MEGF10: variants seen among roughly 807,000 people sequenced by gnomAD.
MEGF10 encodes multiple epidermal growth factor-like domains protein 10.
A neutral mutation model predicts 147.5 loss-of-function variants in MEGF10; 86 were observed. The observed-to-expected ratio is 0.58, with a 90% CI of 0.49 to 0.70. The LOEUF (loss-of-function observed/expected upper bound fraction) is 0.70. Among genes scored for constraint, MEGF10 ranks in the 30% least tolerant of loss-of-function variants. The pLI, the probability that MEGF10 is intolerant of heterozygous loss-of-function variation, is 0.00. For missense variants in MEGF10, 1,329 were observed against 1,487.3 expected (o/e 0.89, Z 1.75); for synonymous variants, 478 against 525.5 (o/e 0.91, Z 1.24).
intron 10 of MEGF10, 118 bp from the exon 11 acceptor site, chr5:127,419,002 T>C: frequency 2.4e-6 from 3 of 1,230,836 alleles, no homozygotes; most frequent in Non-Finnish European, 3.4e-6. Flanking sequence ...AAAAATACAG[T>C]GTGTTAAAAT....
chr5:127,441,130 C>A (rs949091759), intron 18 of MEGF10, among the ~76,000 whole-genome samples: 2 of 152,194 alleles, frequency 1.3e-5, no homozygotes, highest in Non-Finnish European at 2.9e-5. Context: ...TTCTTTTGGG[C>A]TCTCCCTTCC....
intron 1 of MEGF10, among the ~76,000 whole-genome samples, chr5:127,311,521 T>TG (rs1760286196): frequency 6.6e-6 from 1 of 152,222 alleles, no homozygotes; most frequent in South Asian, 2.1e-4. Context: ...ACCCAGCATG[T>TG]GTTCAGATGT....
intron 1 of MEGF10, among the ~76,000 whole-genome samples, chr5:127,318,547 C>T (rs537008626): frequency 8.2e-4 from 125 of 152,064 alleles, no homozygotes; most frequent in Non-Finnish European, 7.1e-4. Context: ...GATGAAGTAG[C>T]CAGATGATAT....
At chr5:127,267,876 G>A in the MEGF10 span, among the ~76,000 whole-genome samples, 1 of 151,964 alleles carries the variant, frequency 6.6e-6, no homozygotes, top group Non-Finnish European at 1.5e-5. Context: ...ACCAGCTCCT[G>A]GATTCATTGA....
intron 2 of MEGF10, among the ~76,000 whole-genome samples, chr5:127,331,711 G>T (rs1358037967): frequency 2.6e-5 from 4 of 152,168 alleles, no homozygotes; most frequent in Non-Finnish European, 5.9e-5. Context: ...CTAATGTCTT[G>T]TCTCTGATTT....
At chr5:127,443,600 C>T (rs1438980492) in intron 19 of MEGF10, among the ~76,000 whole-genome samples, 1 of 152,124 alleles carries the variant, frequency 6.6e-6, no homozygotes, top group Admixed American at 6.5e-5. Context: ...CTTCTACCAC[C>T]CCTTAAGCCC....
chr5:127,398,956 C>T (rs1764027724), intron 7 of MEGF10, among the ~76,000 whole-genome samples, 160 bp downstream of exon 7: 1 of 152,148 alleles, frequency 6.6e-6, no homozygotes, highest in Non-Finnish European at 1.5e-5. Flanking sequence ...ATCTGAAACT[C>T]TTCAGTTCTG....
rs1011515330 is a variant in MEGF10, at chr5:127,457,713, G to C, written c.*395G>C. On this transcript the variant is annotated 3_prime_UTR_variant, in exon 25 of 25. Transcript: ENST00000503335. ...GCATCATACAGCTCTACCTAGGATT[G>C]TACAGTTTACCATAAAATTTACTTC... The C allele has an allele frequency of 2.4e-5, 4 of 165,088 alleles. No homozygotes were observed. The highest frequency in any genetic ancestry group is 5.3e-5 in the Non-Finnish European group (4 of 75,864). The allele number at this position is 165,088 out of a possible 1,614,324, so 10.2% of individuals were successfully genotyped here. A position where few individuals can be genotyped will look rare whatever the true frequency, so the allele number is the denominator to read the frequency against.
At chr5:127,251,138 C>A in the MEGF10 span, among the ~76,000 whole-genome samples, 6 of 151,932 alleles carry the variant, frequency 3.9e-5, no homozygotes, top group Non-Finnish European at 8.8e-5. Flanking sequence ...TAGCAAGTAA[C>A]CTGGAAAACT....
intron 4 of MEGF10, among the ~76,000 whole-genome samples, chr5:127,345,940 A>G (rs1457060294): frequency 6.6e-5 from 10 of 152,172 alleles, no homozygotes; most frequent in Admixed American, 6.5e-4. Context: ...AAGACAGAAT[A>G]TACAGTGTTT....
At chr5:127,422,523 G>A (rs1026600149) in intron 12 of MEGF10, 147 bp from the exon 13 acceptor site, 72 of 615,032 alleles carry the variant, frequency 1.2e-4, no homozygotes, top group Non-Finnish European at 1.8e-4. Flanking sequence ...CAAAAAAAAA[G>A]AAAAAAATAA....
At chr5:127,295,483 G>A (rs1267843765) in intron 1 of MEGF10, among the ~76,000 whole-genome samples, 1 of 152,100 alleles carries the variant, frequency 6.6e-6, no homozygotes, top group East Asian at 1.9e-4. Context: ...TTACTATTAG[G>A]CTTTTAATTT....
At chr5:127,345,713 A>G (rs946832513) in intron 4 of MEGF10, among the ~76,000 whole-genome samples, 18 of 152,084 alleles carry the variant, frequency 1.2e-4, no homozygotes, top group Admixed American at 1.3e-4. Flanking sequence ...TTTTATTTCA[A>G]TTGTTTTTTA....
At chr5:127,312,412 G>A (rs971451678) in intron 1 of MEGF10, among the ~76,000 whole-genome samples, 24 of 152,138 alleles carry the variant, frequency 1.6e-4, no homozygotes, top group East Asian at 3.8e-4. Flanking sequence ...ACAGTAAAGG[G>A]CCTAATAACA....
At chr5:127,402,174 T>C (rs138884979) in intron 7 of MEGF10, among the ~76,000 whole-genome samples, 7 of 152,324 alleles carry the variant, frequency 4.6e-5, no homozygotes, top group African/African-American at 1.7e-4. Context: ...ATAAGTATTG[T>C]TGACTTATTG....
At chr5:127,278,040 A>C in the MEGF10 span, among the ~76,000 whole-genome samples, 3 of 152,104 alleles carry the variant, frequency 2.0e-5, no homozygotes, top group Admixed American at 2.0e-4. Context: ...TCAGTAAAGG[A>C]ATGGTATTTA....
chr5:127,457,143 T>C lies in MEGF10; in HGVS notation c.3248T>C (p.Val1083Ala), dbSNP rs759295851. The C allele has an allele frequency of 6.2e-7, 1 of 1,612,572 alleles. No individual in the cohort carries two copies. Among genetic ancestry groups the C allele is most frequent in the South Asian group, 1.1e-5 (1 of 90,568 alleles). ...GTTATCACAGAACCTACAGTGAGTGTTGTCCAAGGAGTATTCAGCAATAAT... is the reference window on the plus strand; with the variant it reads ...GTTATCACAGAACCTACAGTGAGTGCTGTCCAAGGAGTATTCAGCAATAAT... ...NVYEVEPTVSVVQGVFSNNGR... is the reference protein window; with the variant it reads ...NVYEVEPTVSAVQGVFSNNGR... Residue 1083 changes from valine (V) to alanine (A), a missense_variant, in exon 25 of 25, where the codon GTT (valine) becomes GCT (alanine). By Grantham distance (64) the Val-to-Ala change is moderately conservative (BLOSUM62 0). Coordinates refer to ENST00000503335, the MANE Select transcript of MEGF10 (RefSeq NM_001256545.2).
chr5:127,391,098 GCGCGCACACACACACACACACACA>G (rs1343492333), intron 5 of MEGF10, among the ~76,000 whole-genome samples: 2 of 29,736 alleles, frequency 6.7e-5, no homozygotes, highest in African/African-American at 1.4e-4. Context: ...GCGCGCGCGC[GCGCGCACACACACACACACACACA>G]CACACACACA....
At chr5:127,318,522 G>T (rs1487386953) in intron 1 of MEGF10, among the ~76,000 whole-genome samples, 1 of 152,066 alleles carries the variant, frequency 6.6e-6, no homozygotes, top group African/African-American at 2.4e-5. Flanking sequence ...GCATCTACAA[G>T]AACTTTGAAA....
Sources: gnomAD v4.1 joint callset for allele counts (sites outside exome capture counted in the v4.1 genomes callset) on GRCh38, gnomAD v4.1.1 for gene constraint, MANE v1.5 for transcripts, NCBI Gene and HGNC (gene_info 2026-07-23, HGNC 2026-07-21) for gene names.